Variants in TDRD12 observed in about 807,000 individuals in gnomAD.
TDRD12 encodes the protein putative ATP-dependent RNA helicase TDRD12.
In TDRD12, 158 loss-of-function variants were observed where a neutral mutation model predicts 133.5. That is an observed-to-expected ratio of 1.18 (90% confidence interval 1.04 to 1.35). The LOEUF (loss-of-function observed/expected upper bound fraction) is 1.35, where lower values mean the gene tolerates loss of function less well. Among genes scored for constraint, TDRD12 ranks in the 40% most tolerant of loss-of-function variants. The probability of loss-of-function intolerance (pLI) is 0.00; values close to 1 mark genes in which losing one functional copy is unlikely to be tolerated. For synonymous variants in TDRD12, 460 were observed against 477.9 expected, an observed-to-expected ratio of 0.96 and a Z score of 0.49; for missense variants, 1,443 against 1,321.3, an observed-to-expected ratio of 1.09 and a Z score of -1.43.
intron 10 of TDRD12, 72 bp downstream of exon 10, chr19:32,773,604 G>C: frequency 7.3e-7 from 1 of 1,378,244 alleles, no homozygotes; most frequent in Admixed American, 2.0e-5. Context: ...AGGCTGAGCT[G>C]GGGGGATCGC....
intron 8 of TDRD12, among the ~76,000 whole-genome samples, chr19:32,765,202 C>T (rs1468157264): frequency 6.6e-6 from 1 of 152,184 alleles, no homozygotes; most frequent in Non-Finnish European, 1.5e-5. Flanking sequence ...CCATCTCACA[C>T]CAGTTAGAAT....
exon 27 of TDRD12, chr19:32,818,147 G>T (rs117126503): frequency 1.9e-5 from 13 of 701,922 alleles, no homozygotes; most frequent in Non-Finnish European, 2.3e-5. Context: ...CGAGGAGCAG[G>T]GGGGGCAGGG....
intron 10 of TDRD12, among the ~76,000 whole-genome samples, chr19:32,776,004 T>C (rs1400874580): frequency 6.6e-6 from 1 of 152,128 alleles, no homozygotes; most frequent in African/African-American, 2.4e-5. Flanking sequence ...TTGCGAACTG[T>C]GGGTGGCGGT....
At chr19:32,799,188 G>C (rs1971314310) in intron 16 of TDRD12, among the ~76,000 whole-genome samples, 1 of 151,976 alleles carries the variant, frequency 6.6e-6, no homozygotes, top group South Asian at 2.1e-4. Context: ...TGGGAGTAAT[G>C]ATGGCCCCAG....
Position 32,792,907 on chromosome 19 carries a change from G to T in TDRD12, c.1288-1721G>T, listed in dbSNP as rs191599756. ...GCATTGATGTCAAAATTCTGATGAGGTCAGGTGCGGTGGCTCACGCCTTTA... is the reference window on the plus strand; with the variant it reads ...GCATTGATGTCAAAATTCTGATGAGTTCAGGTGCGGTGGCTCACGCCTTTA... On this transcript the variant is annotated intron_variant, in intron 13 of 27. Coordinates refer to ENST00000444215, the Ensembl canonical transcript of TDRD12. Among the ~76,000 whole-genome samples the T allele has an allele frequency of 9.8e-4, 150 of 152,338 alleles. 1 individual carries two copies. The highest frequency in any genetic ancestry group is 3.3e-3 in the African/African-American group (138 of 41,582).
chr19:32,784,385 G>A (rs936374263), intron 11 of TDRD12, among the ~76,000 whole-genome samples: 9 of 152,170 alleles, frequency 5.9e-5, no homozygotes, highest in African/African-American at 1.4e-4. Context: ...TGCTGGATTC[G>A]GTTTGCCAGT....
chr19:32,772,905 A>C (rs534621863), intron 9 of TDRD12, 55 bp downstream of exon 9: 1 of 1,084,372 alleles, frequency 9.2e-7, no homozygotes, highest in Non-Finnish European at 1.2e-6. Context: ...TTAATTTTCA[A>C]ATTTTCTCTT....
At chr19:32,735,132 G>C (rs2145447982) in intron 2 of TDRD12, among the ~76,000 whole-genome samples, 1 of 152,288 alleles carries the variant, frequency 6.6e-6, no homozygotes, top group East Asian at 1.9e-4. Flanking sequence ...AGCTAGAAAT[G>C]ATTGAACTTA....
Position 32,794,626 on chromosome 19 carries a change from A to G in TDRD12, c.1288-2A>G. Reference sequence around the variant, plus strand: ...TGGTTTCTGGTTGTTTCTGTTTTGTAGGCTCTTCAAAGAAATAAGTTTCCG... The same window carrying G: ...TGGTTTCTGGTTGTTTCTGTTTTGTGGGCTCTTCAAAGAAATAAGTTTCCG... On this transcript the variant is annotated splice_acceptor_variant, in intron 13 of 27. Coordinates refer to ENST00000444215, the Ensembl canonical transcript of TDRD12. LOFTEE classifies it high-confidence loss of function. The G allele has an allele frequency of 1.4e-6, 1 of 701,806 alleles. No homozygotes were observed. The highest frequency in any genetic ancestry group is 2.6e-6 in the Non-Finnish European group (1 of 384,414). 43.5% of individuals were successfully genotyped at this position (701,806 alleles called of 1,614,324 possible). A position where few individuals can be genotyped will look rare whatever the true frequency, so the allele number is the denominator to read the frequency against.
chr19:32,774,695 T>C (rs1389611244), intron 10 of TDRD12, among the ~76,000 whole-genome samples: 1 of 152,112 alleles, frequency 6.6e-6, no homozygotes, highest in Non-Finnish European at 1.5e-5. Context: ...AATTATGATA[T>C]ACTGGCCAGG....
chr19:32,825,073 G>A (rs1048725390), downstream of TDRD12, among the ~76,000 whole-genome samples: 2 of 152,114 alleles, frequency 1.3e-5, no homozygotes, highest in African/African-American at 4.8e-5. The surrounding 1 kb of genome is among the most constrained non-coding windows in gnomAD (Gnocchi z 4.1). Context: ...GCCACCCCGG[G>A]TTTCCTCTGC....
chr19:32,827,180 C>T (rs1181112625), exon 10 of TDRD12: 20 of 1,231,448 alleles, frequency 1.6e-5, no homozygotes, highest in African/African-American at 3.1e-5. Context: ...ATTCTAAAAA[C>T]CTGCCGTACA....
Position 32,801,697 on chromosome 19 carries a change from C to T in TDRD12, c.2080-59C>T, listed in dbSNP as rs117926333. 1,101 of 546,812 alleles carry T rather than the reference C, an allele frequency of 2.0e-3. 18 individuals are homozygous for T. In the East Asian group the frequency reaches 0.035, roughly 17 times the overall value. 33.9% of individuals were successfully genotyped at this position (546,812 alleles called of 1,614,324 possible). A position where few individuals can be genotyped will look rare whatever the true frequency, so the allele number is the denominator to read the frequency against. On this transcript the variant is annotated intron_variant, in intron 18 of 27. Transcript: ENST00000444215. ...TTTACATTGACAATTATTGATGGAA[C>T]GGTTGGCTTCCAGCCTATATCCCTG...
intron 8 of TDRD12, among the ~76,000 whole-genome samples, chr19:32,772,382 G>A (rs191379725): frequency 1.9e-3 from 293 of 152,286 alleles, no homozygotes; most frequent in African/African-American, 6.7e-3. Context: ...AGGTTCACAG[G>A]AAAGGATCAT....
chr19:32,790,586 C>T lies in TDRD12; in HGVS notation c.1177C>T (p.Gln393Ter), dbSNP rs1201437907. ...GAGAGCTGACGGAATCTCTGATCTC[C>T]AGCAGGTATTACAGGCCCTAAAAAA... The change falls in exon 12 of 28, where the codon CAG becomes TAG. Residue 393 changes from glutamine (Q) to a stop codon, truncating the protein, a stop_gained. Coordinates refer to ENST00000444215, the Ensembl canonical transcript of TDRD12. LOFTEE classifies it high-confidence loss of function. The T allele has an allele frequency of 1.9e-6, 3 of 1,551,804 alleles. No homozygotes were observed. The highest frequency in any genetic ancestry group is 1.4e-5 in the African/African-American group (1 of 73,032).
chr19:32,787,222 C>T (rs1404472665), intron 11 of TDRD12, among the ~76,000 whole-genome samples: 1 of 152,142 alleles, frequency 6.6e-6, no homozygotes, highest in Non-Finnish European at 1.5e-5. Flanking sequence ...TGGAGGTCCA[C>T]CCCACACCCT....
At chr19:32,778,186 C>T (rs1013467472) in intron 11 of TDRD12, among the ~76,000 whole-genome samples, 2 of 151,912 alleles carry the variant, frequency 1.3e-5, no homozygotes, top group Non-Finnish European at 1.5e-5. Flanking sequence ...ACTCTGCAGC[C>T]ATGTGGGCTT....
At chr19:32,731,203 A>T (rs1969039393) in intron 1 of TDRD12, among the ~76,000 whole-genome samples, 1 of 151,720 alleles carries the variant, frequency 6.6e-6, no homozygotes. Flanking sequence ...TGCCATTATT[A>T]TTTTTTTTAT....
At chr19:32,791,966 G>A (rs1243752878) in intron 13 of TDRD12, among the ~76,000 whole-genome samples, 1 of 151,592 alleles carries the variant, frequency 6.6e-6, no homozygotes, top group Non-Finnish European at 1.5e-5. Context: ...AAAAAGACCA[G>A]GCTGGGTGCA....
Sources: gnomAD v4.1 joint callset for allele counts (sites outside exome capture counted in the v4.1 genomes callset) on GRCh38, gnomAD v4.1.1 for gene constraint, Gnocchi (gnomAD v3.1) non-coding constraint, MANE v1.5 for transcripts, NCBI Gene and HGNC (gene_info 2026-07-23, HGNC 2026-07-21) for gene names.